Variants in RAPGEF2 observed in about 807,000 individuals in gnomAD.
RAPGEF2 encodes Rap guanine nucleotide exchange factor 2.
RAPGEF2 carries 54 observed loss-of-function variants against 186.7 expected under a neutral mutation model. The observed-to-expected ratio is 0.29, with a 90% CI of 0.23 to 0.36. The LOEUF (loss-of-function observed/expected upper bound fraction) is 0.36, where lower values mean the gene tolerates loss of function less well. Among genes scored for constraint, RAPGEF2 ranks in the 10% least tolerant of loss-of-function variants. RAPGEF2 has a pLI of 1.00. For missense variants in RAPGEF2, 1,532 were observed against 2,045.0 expected, an observed-to-expected ratio of 0.75 and a Z score of 4.84; for synonymous variants, 712 against 705.9, an observed-to-expected ratio of 1.01 and a Z score of -0.14.
At chr4:159,188,873 A>C (rs562102818) in intron 2 of RAPGEF2, among the ~76,000 whole-genome samples, 9 of 152,324 alleles carry the variant, frequency 5.9e-5, no homozygotes, top group African/African-American at 2.2e-4. Context: ...TGTTGGCATG[A>C]ACCTACAGGG....
intron 4 of RAPGEF2, among the ~76,000 whole-genome samples, chr4:159,233,025 G>A (rs1333994229): frequency 6.6e-6 from 1 of 152,010 alleles, no homozygotes; most frequent in African/African-American, 2.4e-5. Context: ...TCTTTTTGTT[G>A]TTTAAGACTT....
intron 3 of RAPGEF2, among the ~76,000 whole-genome samples, chr4:159,198,376 T>TTCC (rs1749033997): frequency 1.6e-5 from 2 of 125,484 alleles, no homozygotes; most frequent in South Asian, 2.6e-4. Context: ...TTTTTCTTTC[T>TTCC]TTCCTTCCTT....
chr4:159,171,591 A>G (rs1347217074), intron 1 of RAPGEF2, among the ~76,000 whole-genome samples: 1 of 152,090 alleles, frequency 6.6e-6, no homozygotes, highest in Non-Finnish European at 1.5e-5. Flanking sequence ...ACATCTTCCT[A>G]CATCATTTTG....
intron 3 of RAPGEF2, among the ~76,000 whole-genome samples, chr4:159,210,287 G>C (rs1005841532): frequency 2.6e-5 from 4 of 152,144 alleles, no homozygotes. Flanking sequence ...ACATTTAAAT[G>C]TACTGATAAA....
intron 2 of RAPGEF2, among the ~76,000 whole-genome samples, chr4:159,192,136 A>G (rs1218618125): frequency 2.0e-5 from 3 of 152,178 alleles, no homozygotes; most frequent in Admixed American, 1.3e-4. Flanking sequence ...TTCCTATGAA[A>G]AATTGTTATT....
chr4:159,305,368 G>A (rs1763157923), intron 8 of RAPGEF2, among the ~76,000 whole-genome samples: 1 of 152,092 alleles, frequency 6.6e-6, no homozygotes, highest in Admixed American at 6.6e-5. Flanking sequence ...TTTCATGACA[G>A]CCATTCTGAC....
intron 1 of RAPGEF2, among the ~76,000 whole-genome samples, chr4:159,134,704 A>G (rs954417441): frequency 6.6e-6 from 1 of 152,214 alleles, no homozygotes; most frequent in Non-Finnish European, 1.5e-5. Context: ...TGTAATTTAG[A>G]AACAACTTTA....
chr4:159,150,898 C>A (rs1326697616), intron 1 of RAPGEF2, among the ~76,000 whole-genome samples: 2 of 152,168 alleles, frequency 1.3e-5, no homozygotes, highest in African/African-American at 4.8e-5. Flanking sequence ...TCCTTCTCTG[C>A]TTTGCTGCTG....
chr4:159,141,169 C>T (rs868049091), intron 1 of RAPGEF2, among the ~76,000 whole-genome samples: 5 of 152,312 alleles, frequency 3.3e-5, no homozygotes, highest in African/African-American at 9.6e-5. Context: ...AAGAGAAAGT[C>T]TTCCTCCTGT....
chr4:159,271,332 T>A lies in RAPGEF2; in HGVS notation c.543+27541T>A, dbSNP rs114506050. ...TTACATTTTTGTAGAAATTGATTTA[T>A]GTAGTGTGCTATACTTAAATCACAG... is the stretch of plus-strand genomic sequence containing the variant. On this transcript the variant is annotated intron_variant, in intron 7 of 29. Coordinates refer to ENST00000691494, the MANE Select transcript of RAPGEF2 (RefSeq NM_001394067.2). 8.3e-3 allele frequency among the ~76,000 whole-genome samples: 1,258 copies of A among 152,324 alleles called. 15 individuals carry two copies. Among genetic ancestry groups the A allele is most frequent in the African/African-American group, 0.028 (1,175 of 41,574 alleles).
At chr4:159,209,080 C>T (rs770251445) in intron 3 of RAPGEF2, among the ~76,000 whole-genome samples, 5 of 150,592 alleles carry the variant, frequency 3.3e-5, no homozygotes, top group Non-Finnish European at 7.4e-5. Context: ...TTAGTAGAGA[C>T]GGGGTTTCAC....
intron 1 of RAPGEF2, among the ~76,000 whole-genome samples, chr4:159,153,585 G>C (rs1377381233): frequency 6.6e-6 from 1 of 152,198 alleles, no homozygotes; most frequent in Non-Finnish European, 1.5e-5. Context: ...ACTGAACACT[G>C]TGAGAGTCTC....
chr4:159,122,038 CAAAAAAAAA>C (rs70962654), intron 1 of RAPGEF2, among the ~76,000 whole-genome samples: 3 of 51,442 alleles, frequency 5.8e-5, no homozygotes, highest in African/African-American at 2.3e-4. Context: ...GACTCCATCT[CAAAAAAAAA>C]AAAAAAAAAA....
chr4:159,330,489 C>A lies in RAPGEF2; in HGVS notation c.1458C>A (p.Leu486=). The A allele has an allele frequency of 6.2e-7, 1 of 1,600,948 alleles. No individual in the cohort carries two copies. The highest frequency in any genetic ancestry group is 2.2e-5 in the East Asian group (1 of 44,486). ...TGGAGTGGTTTAATGACCCGAGCCT[C>A]AGGGATAAGGTTGGAAATATATTCT... ...KLLEWFNDPS[L]RDKVTRVVLL... The change falls in exon 13 of 30, where the codon CTC becomes CTA. Residue 486 remains leucine, a synonymous_variant. Coordinates refer to ENST00000691494, the MANE Select transcript of RAPGEF2 (RefSeq NM_001394067.2).
rs1330269685 is a variant in RAPGEF2, at chr4:159,294,952, C to G, written c.544-9390C>G. On this transcript the variant is annotated intron_variant, in intron 7 of 29. Transcript: ENST00000691494. ...AGGTGATCTACCTGCCTCGGCCTCC[C>G]AAAGTGCTGGGATTACTGGCGTGAG... 2.6e-5 allele frequency among the ~76,000 whole-genome samples: 4 copies of G among 152,322 alleles called. No individual in the cohort carries two copies. In the East Asian group the frequency reaches 5.8e-4, roughly 22 times the overall value.
chr4:159,257,113 G>GT (rs780783464), intron 7 of RAPGEF2, among the ~76,000 whole-genome samples: 15 of 151,476 alleles, frequency 9.9e-5, no homozygotes, highest in East Asian at 3.9e-4. Flanking sequence ...GTTTTGTTTT[G>GT]TTTTTTGTGA....
At position 159,281,034 on chromosome 4, in the gene RAPGEF2, A is replaced by G. The variant is rs181314053; in HGVS notation, c.544-23308A>G. 1.0e-4 allele frequency among the ~76,000 whole-genome samples: 15 copies of G among 148,968 alleles called. No homozygotes were observed. The Admixed American group carries it at 1.0e-3, about 10-fold the overall frequency. The stretch of plus-strand genomic sequence containing the variant: ...CGGAGTCTCGGTCTGTCTCCAGGCT[A>G]GAGTGCGGTGGCTCCATCTCAGCTC... On this transcript the variant is annotated intron_variant, in intron 7 of 29. Coordinates refer to ENST00000691494, the MANE Select transcript of RAPGEF2 (RefSeq NM_001394067.2).
Position 159,109,385 on chromosome 4 carries a change from G to A in RAPGEF2, c.69+5154G>A, listed in dbSNP as rs184912758. Among the ~76,000 whole-genome samples, 442 of 152,154 alleles carry A rather than the reference G, an allele frequency of 2.9e-3. 3 individuals carry two copies. The highest frequency in any genetic ancestry group is 4.8e-3 in the Non-Finnish European group (325 of 67,996). On this transcript the variant is annotated intron_variant, in intron 1 of 29. Transcript: ENST00000691494. Reference sequence around the variant, plus strand: ...GGAGATATGGAAACCACTGAAAATCGTTGGTCCTTGATAATCCGTATTTTA... The same window carrying A: ...GGAGATATGGAAACCACTGAAAATCATTGGTCCTTGATAATCCGTATTTTA...
At chr4:159,351,225 C>T (rs1415236060) in intron 26 of RAPGEF2, 1 of 1,506,076 alleles carries the variant, frequency 6.6e-7, no homozygotes, top group African/African-American at 1.4e-5. Context: ...AGAGAGGAAT[C>T]ATCTCATTAG....
Sources: allele counts gnomAD v4.1 joint callset (sites outside exome capture counted in the v4.1 genomes callset), GRCh38; gene constraint gnomAD v4.1.1; transcripts MANE v1.5; gene names NCBI Gene and HGNC (gene_info 2026-07-23, HGNC 2026-07-21).